Variants in DLGAP2 observed in about 807,000 individuals in gnomAD.
The protein encoded by DLGAP2 is disks large-associated protein 2.
Under a neutral mutation model 100.3 loss-of-function variants are expected in DLGAP2, and 26 were observed. The observed-to-expected ratio is 0.26, with a 90% CI of 0.19 to 0.36. The LOEUF is 0.36. Ranked by LOEUF, DLGAP2 falls within the 10% of genes least tolerant of loss-of-function variation. The pLI is 1.00. For missense variants in DLGAP2, 1,858 were observed against 1,453.2 expected (o/e 1.28, Z -4.53); for synonymous variants, 886 against 630.1 (o/e 1.41, Z -6.08).
intron 2 of DLGAP2, among the ~76,000 whole-genome samples, chr8:1,191,004 G>A (rs896507091): frequency 9.8e-4 from 150 of 152,288 alleles, no homozygotes; most frequent in Non-Finnish European, 1.1e-3. Context: ...TCATGGTCAG[G>A]GGAGCTAAGG....
chr8:1,131,442 A>G (rs767556010), intron 2 of DLGAP2, among the ~76,000 whole-genome samples: 20 of 152,090 alleles, frequency 1.3e-4, no homozygotes, highest in South Asian at 4.2e-4. Context: ...TAGGGGAGAG[A>G]GGGAGCTCTG....
At chr8:1,553,522 A>G (rs146270750) in intron 5 of DLGAP2, among the ~76,000 whole-genome samples, 241 of 15,000 alleles carry the variant, frequency 0.016, 1 homozygote, top group African/African-American at 0.047. Context: ...TTTGGGTTTT[A>G]CCTGTCAGGC....
chr8:824,372 C>T (rs1004003559), intron 1 of DLGAP2, among the ~76,000 whole-genome samples: 4 of 152,162 alleles, frequency 2.6e-5, no homozygotes, highest in East Asian at 1.9e-4. Flanking sequence ...CCACCATGCC[C>T]GGGCACATTC....
At chr8:1,451,910 C>T (rs1265782452) in intron 3 of DLGAP2, among the ~76,000 whole-genome samples, 7 of 152,274 alleles carry the variant, frequency 4.6e-5, no homozygotes, top group Non-Finnish European at 1.0e-4. Context: ...ACACACGGCC[C>T]AGGCCCCACA....
intron 3 of DLGAP2, among the ~76,000 whole-genome samples, chr8:1,341,791 G>A (rs894935589): frequency 3.3e-5 from 5 of 152,170 alleles, no homozygotes; most frequent in African/African-American, 7.2e-5. Flanking sequence ...AATGCTGTCC[G>A]CAGGGTCCCT....
intron 1 of DLGAP2, among the ~76,000 whole-genome samples, chr8:744,050 T>C (rs1389680010): frequency 1.3e-5 from 2 of 152,232 alleles, no homozygotes; most frequent in Non-Finnish European, 2.9e-5. Context: ...CCCAGACACC[T>C]GTTTTAGCTG....
chr8:881,913 A>C (rs76660301), intron 1 of DLGAP2, among the ~76,000 whole-genome samples: 2,651 of 152,032 alleles, frequency 0.017, 71 homozygotes, highest in African/African-American at 0.06. Flanking sequence ...CCCACCCAAT[A>C]TCCAGTCTGG....
chr8:1,169,802 T>C (rs1797091089), intron 2 of DLGAP2, among the ~76,000 whole-genome samples: 1 of 151,940 alleles, frequency 6.6e-6, no homozygotes, highest in African/African-American at 2.4e-5. Flanking sequence ...TGGGATTTTC[T>C]AGATATACAA....
chr8:1,497,749 G>A (rs1220557937), intron 3 of DLGAP2, among the ~76,000 whole-genome samples: 2 of 152,198 alleles, frequency 1.3e-5, no homozygotes, highest in South Asian at 2.1e-4. Context: ...GTAGAAGTAC[G>A]GTAGTCCCCG....
intron 2 of DLGAP2, among the ~76,000 whole-genome samples, chr8:1,052,416 C>A (rs1029540049): frequency 4.6e-5 from 7 of 152,210 alleles, no homozygotes; most frequent in Non-Finnish European, 1.0e-4. Context: ...AGTTTTAACA[C>A]ATGGCATCAC....
chr8:1,649,764 C>A (rs1400129552), intron 8 of DLGAP2, among the ~76,000 whole-genome samples: 1 of 152,106 alleles, frequency 6.6e-6, no homozygotes, highest in Non-Finnish European at 1.5e-5. Context: ...TCGTGCTGTG[C>A]TTTTTAAACG....
chr8:1,645,529 A>G (rs1798021120), intron 8 of DLGAP2, among the ~76,000 whole-genome samples: 1 of 152,168 alleles, frequency 6.6e-6, no homozygotes, highest in Non-Finnish European at 1.5e-5. Context: ...CAAGTTGAGG[A>G]GCATCTGTAT....
intron 6 of DLGAP2, among the ~76,000 whole-genome samples, chr8:1,585,659 C>T (rs185277399): frequency 6.6e-6 from 1 of 152,274 alleles, no homozygotes; most frequent in Admixed American, 6.5e-5. Context: ...GGGAGACATC[C>T]CTAGAGATGC....
chr8:979,840 G>A (rs1323581943), intron 2 of DLGAP2, among the ~76,000 whole-genome samples: 2 of 152,224 alleles, frequency 1.3e-5, no homozygotes, highest in African/African-American at 4.8e-5. Context: ...AACATTTGCA[G>A]TCTTGGACAC....
At chr8:865,706 C>CT (rs1272582217) in intron 1 of DLGAP2, among the ~76,000 whole-genome samples, 1 of 152,212 alleles carries the variant, frequency 6.6e-6, no homozygotes, top group African/African-American at 2.4e-5. Flanking sequence ...ACGTGCTCTT[C>CT]TTTTTATAAG....
At chr8:1,312,658 G>C (rs117222891) in intron 3 of DLGAP2, among the ~76,000 whole-genome samples, 2 of 152,226 alleles carry the variant, frequency 1.3e-5, no homozygotes, top group Non-Finnish European at 2.9e-5. Context: ...GAGTGAAATG[G>C]CAAATTTTAT....
In DLGAP2 at chr8:783,675, C is replaced by G. The variant is rs995068186; in HGVS notation, c.18+45850C>G. ...AATCTGAGAAAGTGTCTGAGTGATGCTTCTGCGTCTTTGCCTACTGTGTTC... is the reference window on the plus strand; with the variant it reads ...AATCTGAGAAAGTGTCTGAGTGATGGTTCTGCGTCTTTGCCTACTGTGTTC... On this transcript the variant is annotated intron_variant, in intron 1 of 14. Coordinates refer to ENST00000637795, the MANE Select transcript of DLGAP2 (RefSeq NM_001346810.2). Among the ~76,000 whole-genome samples, 4 of 152,156 alleles carry G rather than the reference C, an allele frequency of 2.6e-5. No homozygotes were observed. In the South Asian group the frequency reaches 6.2e-4, roughly 24 times the overall value.
intron 2 of DLGAP2, among the ~76,000 whole-genome samples, chr8:1,098,455 G>A (rs1804463692): frequency 6.6e-6 from 1 of 152,186 alleles, no homozygotes; most frequent in South Asian, 2.1e-4. Context: ...TTACAACTTG[G>A]TGGGTAAATC....
intron 3 of DLGAP2, among the ~76,000 whole-genome samples, chr8:1,282,761 C>T (rs1276019054): frequency 9.1e-6 from 1 of 109,672 alleles, no homozygotes; most frequent in Non-Finnish European, 1.9e-5. Flanking sequence ...TGAATCCAGC[C>T]CCCTGAACCA....
Sources: gnomAD v4.1 joint callset for allele counts (sites outside exome capture counted in the v4.1 genomes callset) on GRCh38, gnomAD v4.1.1 for gene constraint, MANE v1.5 for transcripts, NCBI Gene and HGNC (gene_info 2026-07-23, HGNC 2026-07-21) for gene names.